The following EFHD1 variants were observed in gnomAD, a reference collection of about 807,000 sequenced individuals.
EFHD1 encodes the protein EF-hand domain family member D1, also known as EF-hand domain-containing protein D1.
Under a neutral mutation model 17.2 loss-of-function variants are expected in EFHD1, and 10 were observed. The observed-to-expected ratio is 0.58, with a 90% CI of 0.36 to 0.99. The LOEUF (loss-of-function observed/expected upper bound fraction) is 0.99. EFHD1 is among the 50% of genes least tolerant of loss of function. The pLI is 0.01. For synonymous variants in EFHD1, 153 were observed against 142.0 expected (o/e 1.08, Z -0.55); for missense variants, 310 against 327.5 (o/e 0.95, Z 0.41).
At chr2:232,617,302 C>A (rs1251341807) in intron 1 of EFHD1, among the ~76,000 whole-genome samples, 1 of 152,200 alleles carries the variant, frequency 6.6e-6, no homozygotes, top group Non-Finnish European at 1.5e-5. Context: ...TAACAAACTT[C>A]AGCATCAACA....
upstream of EFHD1, among the ~76,000 whole-genome samples, chr2:232,629,262 A>G (rs527966272): frequency 6.7e-4 from 102 of 152,316 alleles, no homozygotes; most frequent in Admixed American, 1.2e-3. Flanking sequence ...CAATGATTTT[A>G]TTTTCCCTGG....
At position 232,616,072 on chromosome 2, in the gene EFHD1, G is replaced by A. The variant is rs537930994; in HGVS notation, c.14+9899G>A. On this transcript the variant is annotated intron_variant, in intron 1 of 3. Transcript: ENST00000409613. ...CACCTAGAATCAAAATTTTAGTGGC[G>A]TGCCATGTTCATAGCCGACTTACTC... Among the ~76,000 whole-genome samples, 3 of 152,208 alleles carry A rather than the reference G, an allele frequency of 2.0e-5. No homozygotes were observed. In the South Asian group the frequency reaches 6.2e-4, roughly 32 times the overall value.
chr2:232,643,670 G>GTTGTTTGT (rs201897089), intron 1 of EFHD1, among the ~76,000 whole-genome samples: 11 of 149,748 alleles, frequency 7.3e-5, no homozygotes, highest in African/African-American at 2.2e-4. Flanking sequence ...TTTTTTTGTT[G>GTTGTTTGT]TTGTTTGTTT....
chr2:232,645,553 T>A (rs1694512589), intron 1 of EFHD1, among the ~76,000 whole-genome samples: 1 of 152,228 alleles, frequency 6.6e-6, no homozygotes, highest in African/African-American at 2.4e-5. Flanking sequence ...GGAGAAATGC[T>A]GGCCTCCGAT....
intron 1 of EFHD1, among the ~76,000 whole-genome samples, chr2:232,647,166 A>G (rs1193507976): frequency 6.6e-6 from 1 of 152,254 alleles, no homozygotes; most frequent in Non-Finnish European, 1.5e-5. Flanking sequence ...TAATTAGGGC[A>G]CTTATGTTCC....
At chr2:232,663,102 G>T (rs1694906014) in intron 2 of EFHD1, among the ~76,000 whole-genome samples, 153 bp downstream of exon 2, 1 of 152,188 alleles carries the variant, frequency 6.6e-6, no homozygotes, top group Non-Finnish European at 1.5e-5. Context: ...CCTTTTAGGT[G>T]ACAGCTAACC....
At chr2:232,650,002 G>C (rs1341456535) in intron 1 of EFHD1, 1 of 152,356 alleles carries the variant, frequency 6.6e-6, no homozygotes, top group East Asian at 1.9e-4. Flanking sequence ...GTGGGGTTAG[G>C]GGGGATCACC....
Position 232,672,427 on chromosome 2 carries a change from ACTT to A in EFHD1, c.573_575del (p.Phe192del). 1 of 1,604,038 alleles carries A rather than the reference ACTT, an allele frequency of 6.2e-7. No individual in the cohort carries two copies. Among genetic ancestry groups the A allele is most frequent in the African/African-American group, 1.3e-5 (1 of 74,648 alleles). On this transcript the variant is annotated inframe_deletion, in exon 3 of 4. Coordinates refer to ENST00000264059, the MANE Select transcript of EFHD1 (RefSeq NM_025202.4). ...CTGGAGGGTGTCAAAGGTGCCAAGAACTTCTTTGAAGCCAAGGTAGGTGCTTAG... is the reference window on the plus strand; with the variant it reads ...CTGGAGGGTGTCAAAGGTGCCAAGAACTTTGAAGCCAAGGTAGGTGCTTAG...
chr2:232,656,676 G>A (rs1257554050), intron 1 of EFHD1, among the ~76,000 whole-genome samples: 2 of 151,224 alleles, frequency 1.3e-5, no homozygotes, highest in African/African-American at 2.4e-5. Flanking sequence ...GGCTCAAACA[G>A]TCCTCCCACC....
chr2:232,619,172 TAAATAAATAAATAAATAAAC>T (rs1381518052), intron 1 of EFHD1, among the ~76,000 whole-genome samples: 2 of 140,458 alleles, frequency 1.4e-5, no homozygotes, highest in East Asian at 4.9e-4. Flanking sequence ...AATAAATAAA[TAAATAAATAAATAAATAAAC>T]AAACAAACAA....
At chr2:232,645,028 G>C (rs1208254215) in intron 1 of EFHD1, among the ~76,000 whole-genome samples, 1 of 148,380 alleles carries the variant, frequency 6.7e-6, no homozygotes, top group African/African-American at 2.5e-5. Context: ...TGATCCTCCT[G>C]CCTCAGCCTC....
intron 2 of EFHD1, among the ~76,000 whole-genome samples, chr2:232,666,785 G>A (rs958104896): frequency 1.3e-5 from 2 of 152,170 alleles, no homozygotes; most frequent in Non-Finnish European, 2.9e-5. Flanking sequence ...GGGAGTATAA[G>A]GACATGCTGC....
rs1020240974 is a variant in EFHD1 at position 232,661,160 on chromosome 2, AAAAC to A, written c.303-1638_303-1635del. 7.9e-5 allele frequency among the ~76,000 whole-genome samples: 12 copies of A among 151,958 alleles called. No homozygotes were observed. The East Asian group carries it at 2.3e-3, about 29-fold the overall frequency. Reference sequence around the variant, plus strand: ...ATGACTCTGTCTCAAAAAAAAAACAAAAACAAAAAAACAAAACCTCTGACCACTT... The same window carrying A: ...ATGACTCTGTCTCAAAAAAAAAACAAAAAAAAACAAAACCTCTGACCACTT... On this transcript the variant is annotated intron_variant, in intron 1 of 3. Transcript: ENST00000264059.
chr2:232,614,552 G>A (rs1013793605), intron 1 of EFHD1, among the ~76,000 whole-genome samples: 1 of 152,218 alleles, frequency 6.6e-6, no homozygotes, highest in South Asian at 2.1e-4. Flanking sequence ...GTAGTACACG[G>A]AACCCACCAA....
At chr2:232,615,969 G>A (rs906484316) in intron 1 of EFHD1, among the ~76,000 whole-genome samples, 37 of 152,286 alleles carry the variant, frequency 2.4e-4, no homozygotes, top group Admixed American at 5.9e-4. Context: ...TTATAGGCGT[G>A]AGCCACGGAG....
At chr2:232,624,635 G>A (rs551736842) in intron 1 of EFHD1, among the ~76,000 whole-genome samples, 1 of 152,258 alleles carries the variant, frequency 6.6e-6, no homozygotes, top group South Asian at 2.1e-4. Flanking sequence ...TGGCAGCCAA[G>A]CCGGGGAAAG....
intron 1 of EFHD1, among the ~76,000 whole-genome samples, chr2:232,646,696 C>T (rs1355196763): frequency 6.6e-6 from 1 of 152,144 alleles, no homozygotes; most frequent in Non-Finnish European, 1.5e-5. Context: ...CCCCACCCAC[C>T]TCGGTCCCAG....
At chr2:232,607,036 G>T (rs1160425136) in intron 1 of EFHD1, among the ~76,000 whole-genome samples, 7 of 149,946 alleles carry the variant, frequency 4.7e-5, no homozygotes, top group Non-Finnish European at 1.0e-4. Flanking sequence ...TGGCTCTGTC[G>T]CCCAGGCTGC....
upstream of EFHD1, among the ~76,000 whole-genome samples, chr2:232,629,125 A>T (rs1285759974): frequency 6.6e-6 from 1 of 152,238 alleles, no homozygotes; most frequent in Non-Finnish European, 1.5e-5. Context: ...GTATTAGAGC[A>T]GAGATTTCCC....
Sources: allele counts gnomAD v4.1 joint callset (sites outside exome capture counted in the v4.1 genomes callset), GRCh38; gene constraint gnomAD v4.1.1; transcripts MANE v1.5; gene names NCBI Gene and HGNC (gene_info 2026-07-23, HGNC 2026-07-21).